PDE4D: variants seen among roughly 807,000 people sequenced by gnomAD.
PDE4D encodes phosphodiesterase 4D.
PDE4D carries 24 observed loss-of-function variants against 87.4 expected under a neutral mutation model. The ratio of observed to expected loss-of-function variants is 0.27; its 90% CI spans 0.20 to 0.39. The LOEUF (loss-of-function observed/expected upper bound fraction) is 0.39. PDE4D is among the 10% of genes least tolerant of loss of function. The pLI is 1.00. For synonymous variants in PDE4D, 384 were observed against 383.2 expected, an observed-to-expected ratio of 1.00 and a Z score of -0.02; for missense variants, 714 against 1,041.0, an observed-to-expected ratio of 0.69 and a Z score of 4.32.
At chr5:59,310,876 A>T (rs1772445778) in intron 1 of PDE4D, among the ~76,000 whole-genome samples, 1 of 152,178 alleles carries the variant, frequency 6.6e-6, no homozygotes, top group African/African-American at 2.4e-5. Flanking sequence ...TGGGACCTAC[A>T]GTGCTATGTC....
chr5:60,042,392 C>A (rs1296446384), intron 2 of PDE4D, among the ~76,000 whole-genome samples: 1 of 152,224 alleles, frequency 6.6e-6, no homozygotes, highest in Non-Finnish European at 1.5e-5. Flanking sequence ...AACATTCCTG[C>A]CTGCTGGCTC....
At chr5:59,269,464 C>G (rs1425378423) in intron 1 of PDE4D, among the ~76,000 whole-genome samples, 1 of 152,062 alleles carries the variant, frequency 6.6e-6, no homozygotes, top group Non-Finnish European at 1.5e-5. Flanking sequence ...TCTTATAAGG[C>G]AGAGGTATTT....
At chr5:59,322,001 C>T (rs1400366101) in intron 1 of PDE4D, among the ~76,000 whole-genome samples, 1 of 152,106 alleles carries the variant, frequency 6.6e-6, no homozygotes, top group Non-Finnish European at 1.5e-5. Flanking sequence ...TCTTTTGCTA[C>T]ATAGCAATTA....
At chr5:59,229,632 C>T (rs542696649) in intron 1 of PDE4D, among the ~76,000 whole-genome samples, 1 of 152,232 alleles carries the variant, frequency 6.6e-6, no homozygotes, top group East Asian at 1.9e-4. Context: ...GCTGCTAGTA[C>T]CACTTCTTAC....
At chr5:59,339,535 T>C (rs1199906752) in intron 1 of PDE4D, among the ~76,000 whole-genome samples, 1 of 152,230 alleles carries the variant, frequency 6.6e-6, no homozygotes, top group Non-Finnish European at 1.5e-5. Context: ...GTGCCTTTAA[T>C]ATGCAAATCA....
At chr5:59,648,239 G>T (rs1326590778) in intron 1 of PDE4D, among the ~76,000 whole-genome samples, 4 of 152,268 alleles carry the variant, frequency 2.6e-5, no homozygotes, top group Non-Finnish European at 4.4e-5. Flanking sequence ...TAATTTCAAG[G>T]AACAAAGTGC....
At chr5:59,000,594 G>C in intron 6 of PDE4D, among the ~76,000 whole-genome samples, 1 of 152,158 alleles carries the variant, frequency 6.6e-6, no homozygotes, top group East Asian at 1.9e-4. Flanking sequence ...GCAATTCTGG[G>C]GGGAGGGAAA....
chr5:60,285,261 C>T (rs1359234752), intron 1 of PDE4D, among the ~76,000 whole-genome samples: 1 of 151,982 alleles, frequency 6.6e-6, no homozygotes, highest in Non-Finnish European at 1.5e-5. Context: ...CAAACATGCA[C>T]CGCCACAAAG....
intron 1 of PDE4D, among the ~76,000 whole-genome samples, chr5:60,370,370 T>C (rs1760917044): frequency 6.6e-6 from 1 of 152,184 alleles, no homozygotes. Flanking sequence ...AGAGGTGTTG[T>C]AACAACATAT....
At chr5:60,154,347 G>T (rs1039969989) in intron 2 of PDE4D, among the ~76,000 whole-genome samples, 2 of 152,006 alleles carry the variant, frequency 1.3e-5, no homozygotes, top group Non-Finnish European at 1.5e-5. Flanking sequence ...CACCATCTTG[G>T]CTCACTGAGA....
At chr5:59,457,879 A>G (rs1014449111) in intron 1 of PDE4D, among the ~76,000 whole-genome samples, 2 of 152,134 alleles carry the variant, frequency 1.3e-5, no homozygotes, top group African/African-American at 2.4e-5. Flanking sequence ...CTGGGCAACA[A>G]GAGTGAAACT....
intron 1 of PDE4D, among the ~76,000 whole-genome samples, chr5:59,268,581 T>C (rs1340179272): frequency 1.3e-5 from 2 of 152,032 alleles, no homozygotes; most frequent in Non-Finnish European, 2.9e-5. Context: ...TAATATACCT[T>C]CAACCCCTGT....
rs1031668526 is a variant in PDE4D, at chr5:59,474,334, A to G, written c.456-258366T>C. Reference sequence around the variant, plus strand: ...GACTCAAACCCTCTTTTTCTGCTTAACATCAATCAAATCTCCAAAAAGTTA... The same window carrying G: ...GACTCAAACCCTCTTTTTCTGCTTAGCATCAATCAAATCTCCAAAAAGTTA... On this transcript the variant is annotated intron_variant, in intron 1 of 14. Coordinates refer to ENST00000340635, the MANE Select transcript of PDE4D (RefSeq NM_001104631.2). 3.9e-5 allele frequency among the ~76,000 whole-genome samples: 6 copies of G among 152,154 alleles called. 1 individual carries two copies. Among genetic ancestry groups the G allele is most frequent in the Admixed American group, 3.9e-4 (6 of 15,254 alleles).
chr5:59,828,925 G>C (rs927321833), intron 1 of PDE4D, among the ~76,000 whole-genome samples: 1 of 151,962 alleles, frequency 6.6e-6, no homozygotes, highest in African/African-American at 2.4e-5. Flanking sequence ...GCACTTCTTT[G>C]GGAATGATGC....
At chr5:60,323,819 G>A (rs977599348) in intron 1 of PDE4D, among the ~76,000 whole-genome samples, 15 of 151,510 alleles carry the variant, frequency 9.9e-5, no homozygotes, top group South Asian at 2.1e-4. Context: ...TTCAGTTCTC[G>A]GAATTTCAGT....
At chr5:60,005,135 A>G (rs915778509) in intron 2 of PDE4D, among the ~76,000 whole-genome samples, 29 of 152,148 alleles carry the variant, frequency 1.9e-4, no homozygotes, top group Admixed American at 1.8e-3. Flanking sequence ...AAGAAAAACA[A>G]ATCCTGCCAT....
intron 1 of PDE4D, among the ~76,000 whole-genome samples, chr5:59,790,093 A>T (rs929056296): frequency 3.3e-5 from 5 of 152,172 alleles, no homozygotes; most frequent in African/African-American, 1.2e-4. Context: ...CTGGAGAGCT[A>T]CTGGAGTACC....
intron 1 of PDE4D, among the ~76,000 whole-genome samples, chr5:59,777,047 A>G (rs1003395428): frequency 6.6e-6 from 1 of 152,170 alleles, no homozygotes; most frequent in African/African-American, 2.4e-5. Context: ...GTTTCCAGGA[A>G]CCCTTAACTC....
At chr5:60,242,357 C>A (rs904198930) in intron 1 of PDE4D, among the ~76,000 whole-genome samples, 3 of 152,012 alleles carry the variant, frequency 2.0e-5, no homozygotes, top group African/African-American at 7.2e-5. Context: ...AAGAAACAGA[C>A]CTCAGGAAAA....
Sources: gnomAD v4.1 joint callset for allele counts (sites outside exome capture counted in the v4.1 genomes callset) on GRCh38, gnomAD v4.1.1 for gene constraint, MANE v1.5 for transcripts, NCBI Gene and HGNC (gene_info 2026-07-23, HGNC 2026-07-21) for gene names.